MRPS5: variants seen among roughly 807,000 people sequenced by gnomAD.
MRPS5 encodes the protein mitochondrial ribosomal protein S5, also known as small ribosomal subunit protein uS5m.
Under a neutral mutation model 51.9 loss-of-function variants are expected in MRPS5, and 27 were observed. That is an observed-to-expected ratio of 0.52 (90% confidence interval 0.38 to 0.72). The LOEUF (loss-of-function observed/expected upper bound fraction) is 0.72, where lower values mean the gene tolerates loss of function less well. Ranked by LOEUF, MRPS5 falls within the 30% of genes least tolerant of loss-of-function variation. The pLI is 0.00. For missense variants in MRPS5, 570 were observed against 545.7 expected (o/e 1.04, Z -0.44); for synonymous variants, 196 against 193.2 (o/e 1.01, Z -0.12).
chr2:95,106,460 G>A lies in MRPS5; in HGVS notation c.638-3C>T. 1 of 1,591,936 alleles carries A rather than the reference G, an allele frequency of 6.3e-7. No homozygotes were observed. Among genetic ancestry groups the A allele is most frequent in the Non-Finnish European group, 8.6e-7 (1 of 1,165,754 alleles). The stretch of plus-strand genomic sequence containing the variant: ...GGTATCAAAATCCTCATATGTTTCT[G>A]TAGGGAGAAAAGAAACAGGGATACA... On this transcript the variant is annotated splice_region_variant and splice_polypyrimidine_tract_variant and intron_variant, in intron 5 of 11. Transcript: ENST00000272418.
At chr2:95,088,992 G>A (rs578112977) in intron 11 of MRPS5, among the ~76,000 whole-genome samples, 5 of 152,242 alleles carry the variant, frequency 3.3e-5, no homozygotes, top group South Asian at 2.1e-4. Context: ...GCTTGAACCC[G>A]TGAGGCGGAG....
intron 7 of MRPS5, 40 bp from the exon 8 acceptor site, chr2:95,101,763 T>G: frequency 3.3e-6 from 5 of 1,513,674 alleles, no homozygotes; most frequent in Non-Finnish European, 4.5e-6. Flanking sequence ...GAGACAGAAA[T>G]TTTGCCCATG....
intron 1 of MRPS5, among the ~76,000 whole-genome samples, 182 bp downstream of exon 1, chr2:95,121,552 C>T (rs996787697): frequency 2.6e-5 from 4 of 152,250 alleles, no homozygotes; most frequent in African/African-American, 9.6e-5. Flanking sequence ...AGCTCCGCGA[C>T]CCAGAGAGGG....
intron 8 of MRPS5, 21 bp from the exon 9 acceptor site, chr2:95,100,915 T>C (rs753172814): frequency 2.5e-6 from 4 of 1,588,756 alleles, no homozygotes; most frequent in Non-Finnish European, 3.4e-6. Context: ...AATGTTTTTC[T>C]TAACTCTATT....
At position 95,121,798 on chromosome 2, in the gene MRPS5, G is replaced by A. The variant is rs1558690325; in HGVS notation, c.-7C>T. The A allele has an allele frequency of 6.5e-7, 1 of 1,541,446 alleles. No individual in the cohort carries two copies. Among genetic ancestry groups the A allele is most frequent in the Non-Finnish European group, 8.7e-7 (1 of 1,152,516 alleles). On this transcript the variant is annotated 5_prime_UTR_variant, in exon 1 of 12. Transcript: ENST00000272418. The stretch of plus-strand genomic sequence containing the variant: ...CGCGCACCGCGGTCGCCATGCTGGA[G>A]TCCGAGCCGCGCCTCGGCCTCCGCC...
In MRPS5 at chr2:95,087,137, AAAG is replaced by A; in HGVS notation, c.*217_*219del. On this transcript the variant is annotated 3_prime_UTR_variant, in exon 12 of 12. Transcript: ENST00000272418. ...CTTTTGTTACTTTGGATGAATATTTAAAGTAGTCTTGAACTGAGATATGTATGT... is the reference window on the plus strand; with the variant it reads ...CTTTTGTTACTTTGGATGAATATTTATAGTCTTGAACTGAGATATGTATGT... 1 of 459,274 alleles carries A rather than the reference AAAG, an allele frequency of 2.2e-6. No homozygotes were observed. Among genetic ancestry groups the A allele is most frequent in the South Asian group, 5.1e-5 (1 of 19,772 alleles). 28.4% of individuals were successfully genotyped at this position (459,274 alleles called of 1,614,324 possible).
At chr2:95,115,909 T>TA (rs1275067848) in intron 2 of MRPS5, among the ~76,000 whole-genome samples, 1 of 142,626 alleles carries the variant, frequency 7.0e-6, no homozygotes. Context: ...CTTAATTTTC[T>TA]TTTTTTTTTT....
intron 10 of MRPS5, among the ~76,000 whole-genome samples, chr2:95,094,584 A>T (rs1675565708): frequency 6.6e-6 from 1 of 152,184 alleles, no homozygotes; most frequent in East Asian, 1.9e-4. Context: ...AATATTCAAC[A>T]TTCTTAAAAG....
chr2:95,100,685 A>C (rs1399711028), intron 9 of MRPS5, 149 bp from the exon 10 acceptor site: 1 of 882,910 alleles, frequency 1.1e-6, no homozygotes, highest in African/African-American at 1.7e-5. Flanking sequence ...TCATTTTAGT[A>C]ACCTTCTTAG....
At chr2:95,120,265 A>T (rs11888590) in intron 1 of MRPS5, among the ~76,000 whole-genome samples, 33 of 152,272 alleles carry the variant, frequency 2.2e-4, no homozygotes, top group African/African-American at 7.7e-4. Flanking sequence ...TCATTCAGCC[A>T]TAAAGGATGA....
chr2:95,104,761 A>T lies in MRPS5; in HGVS notation c.673-31T>A, dbSNP rs761089334. On this transcript the variant is annotated intron_variant, in intron 6 of 11. Coordinates refer to ENST00000272418, the MANE Select transcript of MRPS5 (RefSeq NM_031902.5). Reference sequence around the variant, plus strand: ...AGGCAAAATGTCTCATAAATATTGCACATTAAGAAAATCTGAAGGAGGGAA... The same window carrying T: ...AGGCAAAATGTCTCATAAATATTGCTCATTAAGAAAATCTGAAGGAGGGAA... The T allele has an allele frequency of 1.9e-6, 3 of 1,601,146 alleles. No individual in the cohort carries two copies. In the African/African-American group the frequency reaches 4.0e-5, roughly 21 times the overall value.
At chr2:95,114,518 G>A (rs894349879) in intron 3 of MRPS5, among the ~76,000 whole-genome samples, 8 of 152,070 alleles carry the variant, frequency 5.3e-5, no homozygotes, top group African/African-American at 1.2e-4. Context: ...TGATCGACCC[G>A]TCTCGGCCTC....
In MRPS5 at chr2:95,115,203, C is replaced by T. The variant is rs200715882; in HGVS notation, c.140G>A (p.Gly47Asp). Residue 47 changes from glycine (G) to aspartate (D), a missense_variant and splice_region_variant, in exon 3 of 12, where the codon GGC becomes GAC. Physicochemically the swap from Gly to Asp is moderately conservative, Grantham distance 94 (BLOSUM62 -1). Coordinates refer to ENST00000272418, the MANE Select transcript of MRPS5 (RefSeq NM_031902.5). Reference sequence around the variant, plus strand: ...TCTGGTTCCCAGTGATGACAAATGGCCTGTAGGCAGATGGGTTAAACTTTG... The same window carrying T: ...TCTGGTTCCCAGTGATGACAAATGGTCTGTAGGCAGATGGGTTAAACTTTG... ...ILAWKSVLGN[G>D]HLSSLGTRDT... is the part of the protein sequence containing the mutation. 36 of 1,589,736 alleles carry T rather than the reference C, an allele frequency of 2.3e-5. No individual in the cohort carries two copies. The highest frequency in any genetic ancestry group is 8.5e-7 in the Non-Finnish European group (1 of 1,172,200).
At chr2:95,099,821 T>C (rs143277660) in intron 10 of MRPS5, among the ~76,000 whole-genome samples, 1 of 152,234 alleles carries the variant, frequency 6.6e-6, no homozygotes, top group Non-Finnish European at 1.5e-5. Flanking sequence ...AGCTTTGATA[T>C]GAAATTTTAA....
intron 4 of MRPS5, 91 bp from the exon 5 acceptor site, chr2:95,108,499 G>A (rs1558683892): frequency 3.9e-6 from 4 of 1,038,820 alleles, no homozygotes; most frequent in Non-Finnish European, 4.2e-6. Context: ...AGATAATGAT[G>A]ACACACTGTT....
At chr2:95,108,874 T>C (rs1199714822) in intron 4 of MRPS5, among the ~76,000 whole-genome samples, 2 of 152,126 alleles carry the variant, frequency 1.3e-5, no homozygotes, top group Non-Finnish European at 2.9e-5. Context: ...ATCTAAATTT[T>C]TTTTAAAAAA....
intron 10 of MRPS5, among the ~76,000 whole-genome samples, chr2:95,096,234 A>T (rs979071116): frequency 6.6e-6 from 1 of 152,252 alleles, no homozygotes; most frequent in Non-Finnish European, 1.5e-5. Context: ...AGACAGATTC[A>T]TAGCCAAATT....
At chr2:95,102,320 C>A (rs1675825951) in intron 7 of MRPS5, among the ~76,000 whole-genome samples, 1 of 152,080 alleles carries the variant, frequency 6.6e-6, no homozygotes, top group Admixed American at 6.6e-5. Context: ...ACTAAATATG[C>A]TTTAAATGAA....
At chr2:95,115,265 G>A in intron 2 of MRPS5, 62 bp from the exon 3 acceptor site, 1 of 1,375,044 alleles carries the variant, frequency 7.3e-7, no homozygotes, top group East Asian at 2.6e-5. Context: ...AACACTGCTA[G>A]CATCAAATAA....
Sources: allele counts gnomAD v4.1 joint callset (sites outside exome capture counted in the v4.1 genomes callset), GRCh38; gene constraint gnomAD v4.1.1; transcripts MANE v1.5; gene names NCBI Gene and HGNC (gene_info 2026-07-23, HGNC 2026-07-21).